The following ELMO1 variants were observed in gnomAD, a reference collection of about 807,000 sequenced individuals.
ELMO1 encodes engulfment and cell motility protein 1.
ELMO1 carries 26 observed loss-of-function variants against 98.9 expected under a neutral mutation model. The observed-to-expected ratio is 0.26, with a 90% confidence interval of 0.19 to 0.36. The LOEUF (loss-of-function observed/expected upper bound fraction) is 0.36. Ranked by LOEUF, ELMO1 falls within the 10% of genes least tolerant of loss-of-function variation. The pLI, the probability that ELMO1 is intolerant of heterozygous loss-of-function variation, is 1.00. For missense variants in ELMO1, 627 were observed against 935.2 expected, an observed-to-expected ratio of 0.67 and a Z score of 4.30; for synonymous variants, 346 against 346.0, an observed-to-expected ratio of 1.00 and a Z score of 0.00.
chr7:36,969,849 A>G (rs1789765224), intron 16 of ELMO1, among the ~76,000 whole-genome samples: 2 of 152,300 alleles, frequency 1.3e-5, no homozygotes, highest in Admixed American at 1.3e-4. Flanking sequence ...TAAAGTCAAG[A>G]GTAAAACATT....
At chr7:37,063,714 C>T (rs949518741) in intron 15 of ELMO1, among the ~76,000 whole-genome samples, 8 of 152,266 alleles carry the variant, frequency 5.3e-5, no homozygotes, top group Non-Finnish European at 8.8e-5. Context: ...GATTCCCCTC[C>T]GCTATCTCCC....
At chr7:37,212,997 G>A (rs1289347266) in intron 12 of ELMO1, among the ~76,000 whole-genome samples, 1 of 152,132 alleles carries the variant, frequency 6.6e-6, no homozygotes, top group African/African-American at 2.4e-5. Context: ...GTCACCAAGA[G>A]GCCCTAGTTG....
At chr7:37,256,916 C>T (rs1489782300) in intron 6 of ELMO1, among the ~76,000 whole-genome samples, 4 of 152,154 alleles carry the variant, frequency 2.6e-5, no homozygotes, top group South Asian at 2.1e-4. Context: ...TTTAAACCTC[C>T]ATTCTCAATG....
intron 12 of ELMO1, among the ~76,000 whole-genome samples, 167 bp downstream of exon 12, chr7:37,213,168 C>T (rs114411814): frequency 1.3e-3 from 194 of 152,232 alleles, no homozygotes; most frequent in African/African-American, 4.6e-3. Context: ...ATTTTCTGAT[C>T]CTAGATTCAC....
chr7:37,185,943 T>G (rs1335917277), intron 13 of ELMO1, among the ~76,000 whole-genome samples: 1 of 152,212 alleles, frequency 6.6e-6, no homozygotes, highest in Non-Finnish European at 1.5e-5. Flanking sequence ...TCCGCTGACT[T>G]CTGCGTAGAA....
intron 15 of ELMO1, among the ~76,000 whole-genome samples, chr7:37,089,038 A>T (rs567473086): frequency 1.3e-5 from 2 of 152,232 alleles, no homozygotes; most frequent in African/African-American, 2.4e-5. Flanking sequence ...GTTAAAAGCT[A>T]ATTTTCTTGA....
chr7:37,348,545 G>C (rs1448663422), intron 1 of ELMO1, among the ~76,000 whole-genome samples: 5 of 152,156 alleles, frequency 3.3e-5, no homozygotes, highest in African/African-American at 1.2e-4. Flanking sequence ...TAGTTGAGTG[G>C]ATTAAATAAA....
At position 37,213,463 on chromosome 7, in the gene ELMO1, G is replaced by C. The variant is rs759491687; in HGVS notation, c.832-6C>G. 6.2e-7 allele frequency: 1 copy of C among 1,607,368 alleles called. No individual in the cohort carries two copies. Among genetic ancestry groups the C allele is most frequent in the South Asian group, 1.1e-5 (1 of 90,114 alleles). On this transcript the variant is annotated splice_polypyrimidine_tract_variant and splice_region_variant and intron_variant, in intron 11 of 21. Transcript: ENST00000310758. ...CGCTGGGCTCGGATGACATGCTAGG[G>C]AGATGGTTCACAAATGAAATTTTTT... is the stretch of plus-strand genomic sequence containing the variant.
intron 13 of ELMO1, among the ~76,000 whole-genome samples, chr7:37,193,543 G>A (rs901657136): frequency 5.3e-5 from 8 of 152,170 alleles, no homozygotes; most frequent in Non-Finnish European, 1.0e-4. Context: ...ACCACTCGGG[G>A]GGCTCCCTGC....
chr7:37,187,284 T>C (rs953176294), intron 13 of ELMO1, among the ~76,000 whole-genome samples: 2 of 152,152 alleles, frequency 1.3e-5, no homozygotes, highest in Non-Finnish European at 2.9e-5. Context: ...GTAGACTAAT[T>C]GGTTGCCTGG....
At chr7:37,288,077 A>G (rs933354326) in intron 4 of ELMO1, among the ~76,000 whole-genome samples, 1 of 151,876 alleles carries the variant, frequency 6.6e-6, no homozygotes, top group Non-Finnish European at 1.5e-5. Flanking sequence ...CTTCTGCCTC[A>G]GTCTCCCAAG....
At chr7:37,111,469 C>T (rs1785246227) in intron 14 of ELMO1, among the ~76,000 whole-genome samples, 1 of 152,300 alleles carries the variant, frequency 6.6e-6, no homozygotes, top group East Asian at 1.9e-4. Flanking sequence ...AGTATTGATA[C>T]CACAGAAACC....
intron 8 of ELMO1, among the ~76,000 whole-genome samples, chr7:37,230,557 T>A (rs933297570): frequency 1.3e-5 from 2 of 152,148 alleles, no homozygotes; most frequent in African/African-American, 4.8e-5. Context: ...ATAACAAGAC[T>A]ATCTGTTCTG....
intron 6 of ELMO1, among the ~76,000 whole-genome samples, chr7:37,256,618 A>C: frequency 2.8e-5 from 1 of 35,964 alleles, no homozygotes; most frequent in African/African-American, 1.1e-4. Context: ...AGGGGAGGGG[A>C]GGGCAGAGGG....
chr7:37,408,034 T>C (rs978602890), intron 1 of ELMO1, among the ~76,000 whole-genome samples: 2 of 152,210 alleles, frequency 1.3e-5, no homozygotes, highest in African/African-American at 4.8e-5. Flanking sequence ...GTCAAGTCTG[T>C]AAGTGAATTT....
At chr7:37,237,139 G>A (rs981638157) in intron 7 of ELMO1, among the ~76,000 whole-genome samples, 5 of 152,194 alleles carry the variant, frequency 3.3e-5, no homozygotes, top group Admixed American at 6.5e-5. Context: ...TCAAATAAAT[G>A]TTTCTCATCA....
At chr7:37,188,707 G>C (rs189807113) in intron 13 of ELMO1, among the ~76,000 whole-genome samples, 60 of 152,098 alleles carry the variant, frequency 3.9e-4, no homozygotes, top group Non-Finnish European at 6.5e-4. Flanking sequence ...AATGGTAATG[G>C]TATAAATTGT....
chr7:37,339,931 T>C (rs1171184784), intron 2 of ELMO1, among the ~76,000 whole-genome samples: 1 of 152,120 alleles, frequency 6.6e-6, no homozygotes, highest in African/African-American at 2.4e-5. Context: ...TCGAATCTGA[T>C]CAGCAGGATA....
At chr7:37,075,569 C>T (rs1797529399) in intron 15 of ELMO1, among the ~76,000 whole-genome samples, 2 of 151,842 alleles carry the variant, frequency 1.3e-5, no homozygotes, top group African/African-American at 4.9e-5. Flanking sequence ...GAGGATGAGA[C>T]CAAGGTTCTA....
Sources: allele counts gnomAD v4.1 joint callset (sites outside exome capture counted in the v4.1 genomes callset), GRCh38; gene constraint gnomAD v4.1.1; transcripts MANE v1.5; gene names NCBI Gene and HGNC (gene_info 2026-07-23, HGNC 2026-07-21).